JAKMIP1: variants seen among roughly 807,000 people sequenced by gnomAD.
JAKMIP1 encodes the protein janus kinase and microtubule interacting protein 1, also known as janus kinase and microtubule-interacting protein 1.
In JAKMIP1, 33 loss-of-function variants were observed where a neutral mutation model predicts 113.0. The observed-to-expected ratio is 0.29, with a 90% CI of 0.22 to 0.39. The LOEUF (loss-of-function observed/expected upper bound fraction) is 0.39. Among genes scored for constraint, JAKMIP1 ranks in the 10% least tolerant of loss-of-function variants. The pLI, the probability that JAKMIP1 is intolerant of heterozygous loss-of-function variation, is 1.00. For missense variants in JAKMIP1, 813 were observed against 1,080.5 expected (o/e 0.75, Z 3.47); for synonymous variants, 480 against 459.9 (o/e 1.04, Z -0.56).
At chr4:6,111,460 G>T (rs2108887467) in intron 2 of JAKMIP1, among the ~76,000 whole-genome samples, 1 of 152,336 alleles carries the variant, frequency 6.6e-6, no homozygotes, top group Non-Finnish European at 1.5e-5. Flanking sequence ...CACCAAATAG[G>T]ACTGCAGCTG....
intron 1 of JAKMIP1, among the ~76,000 whole-genome samples, chr4:6,152,789 A>AATATATATATATACATAT (rs1721737819): frequency 7.4e-6 from 1 of 135,294 alleles, no homozygotes; most frequent in Admixed American, 7.9e-5. Flanking sequence ...TAAAAATACA[A>AATATATATATATACATAT]ATATATATAT....
rs867970113 is a variant in JAKMIP1 at position 6,192,213 on chromosome 4, G to C, written c.-148+8040C>G. 6.6e-6 allele frequency among the ~76,000 whole-genome samples: 1 copy of C among 152,128 alleles called. No individual in the cohort carries two copies. Among genetic ancestry groups the C allele is most frequent in the Non-Finnish European group, 1.5e-5 (1 of 68,024 alleles). ...CTCCCAAAGTGCTGGGATTACAGGC[G>C]TGAGCCACCGCGCCTGGCCAGGGTG... On this transcript the variant is annotated intron_variant, in intron 1 of 20. Coordinates refer to ENST00000409021, the MANE Select transcript of JAKMIP1 (RefSeq NM_001099433.2). The surrounding 1 kb of genome is among the most constrained non-coding windows in gnomAD (Gnocchi z 5.0).
At chr4:6,099,658 TCTC>T (rs1712675208) in intron 3 of JAKMIP1, among the ~76,000 whole-genome samples, 1 of 152,224 alleles carries the variant, frequency 6.6e-6, no homozygotes, top group African/African-American at 2.4e-5. Flanking sequence ...TTTACCCACT[TCTC>T]CTGTTCTTTA....
chr4:6,053,840 G>A, intron 13 of JAKMIP1: 1 of 1,396,298 alleles, frequency 7.2e-7, no homozygotes, highest in South Asian at 1.9e-5. Flanking sequence ...CATAGACTTG[G>A]GTGAGCACGC....
Position 6,042,250 on chromosome 4 carries a change from C to T in JAKMIP1, c.2029-23G>A, listed in dbSNP as rs201904901. 693 of 1,604,306 alleles carry T rather than the reference C, an allele frequency of 4.3e-4. No individual in the cohort carries two copies. Among genetic ancestry groups the T allele is most frequent in the Non-Finnish European group, 5.5e-4 (639 of 1,171,706 alleles). On this transcript the variant is annotated intron_variant, in intron 16 of 20. Coordinates refer to ENST00000409021, the MANE Select transcript of JAKMIP1 (RefSeq NM_001099433.2). The surrounding 1 kb of genome is among the most constrained non-coding windows in gnomAD (Gnocchi z 5.2). ...CCACTAGAAAACAGCAGGGACAGGA[C>T]GGGTGCAGCAAAGTGAGAGTCAGAA...
chr4:6,028,408 T>C (rs1308710582), intron 20 of JAKMIP1, among the ~76,000 whole-genome samples: 2 of 152,188 alleles, frequency 1.3e-5, no homozygotes, highest in Non-Finnish European at 1.5e-5. Flanking sequence ...GGCAGGGCCC[T>C]ACACCTCCAG....
At position 6,168,448 on chromosome 4, in the gene JAKMIP1, G is replaced by A. The variant is rs1009424064; in HGVS notation, c.-148+31805C>T. 4.6e-5 allele frequency among the ~76,000 whole-genome samples: 7 copies of A among 152,136 alleles called. No homozygotes were observed. The highest frequency in any genetic ancestry group is 1.7e-4 in the African/African-American group (7 of 41,420). ...GTGGTCTATGATATTCCATAGAGCA[G>A]AATAGTATTTGGCCATCAGAAGGAA... On this transcript the variant is annotated intron_variant, in intron 1 of 20. Coordinates refer to ENST00000409021, the MANE Select transcript of JAKMIP1 (RefSeq NM_001099433.2). This position sits in a 1 kb window ranked among gnomAD's most constrained non-coding sequence, Gnocchi z 4.6.
chr4:6,173,852 G>A (rs1232271019), intron 1 of JAKMIP1, among the ~76,000 whole-genome samples: 5 of 152,164 alleles, frequency 3.3e-5, no homozygotes, highest in Non-Finnish European at 7.3e-5. Flanking sequence ...AAGGCGGGCG[G>A]ATCGCTCGAG....
intron 1 of JAKMIP1, among the ~76,000 whole-genome samples, chr4:6,189,922 T>C (rs1261664164): frequency 6.6e-6 from 1 of 152,198 alleles, no homozygotes; most frequent in African/African-American, 2.4e-5. Flanking sequence ...CAGGCTCTGC[T>C]GCAGGCGTGG....
intron 1 of JAKMIP1, among the ~76,000 whole-genome samples, chr4:6,169,352 C>T (rs1180068564): frequency 3.3e-5 from 5 of 152,064 alleles, no homozygotes; most frequent in African/African-American, 7.3e-5. Context: ...CTCAGACAGA[C>T]GCAGCAGGAG....
At chr4:6,036,420 T>A (rs4330301) in intron 18 of JAKMIP1, among the ~76,000 whole-genome samples, 8,596 of 152,276 alleles carry the variant, frequency 0.056, 761 homozygotes, top group African/African-American at 0.18. Context: ...AGAGGTGCAA[T>A]TCACCTGGGT....
intron 1 of JAKMIP1, among the ~76,000 whole-genome samples, chr4:6,195,383 G>C (rs1402430690): frequency 6.6e-5 from 10 of 152,128 alleles, no homozygotes. Context: ...TGCACACTTA[G>C]AAATGGTTAA....
intron 9 of JAKMIP1, among the ~76,000 whole-genome samples, chr4:6,063,172 TA>T (rs1413773745): frequency 3.3e-5 from 5 of 150,834 alleles, no homozygotes; most frequent in Admixed American, 1.3e-4. Context: ...CATAAGTGTG[TA>T]AAGACACAAA....
chr4:6,123,818 T>C (rs900333996), intron 1 of JAKMIP1, among the ~76,000 whole-genome samples: 1 of 152,138 alleles, frequency 6.6e-6, no homozygotes, highest in African/African-American at 2.4e-5. Flanking sequence ...AGTGACACCC[T>C]GTCCCTAAAA....
rs1225121728 is a variant in JAKMIP1, at chr4:6,106,815, G to T, written c.130-848C>A. On this transcript the variant is annotated intron_variant, in intron 2 of 20. Coordinates refer to ENST00000409021, the MANE Select transcript of JAKMIP1 (RefSeq NM_001099433.2). This position sits in a 1 kb window ranked among gnomAD's most constrained non-coding sequence, Gnocchi z 5.9. ...CAACACACATTCCACAGGAACGCCT[G>T]ACAAGCCCTTATTTCCTGAATTCTG... 6.6e-6 allele frequency among the ~76,000 whole-genome samples: 1 copy of T among 152,140 alleles called. No homozygotes were observed. The highest frequency in any genetic ancestry group is 2.4e-5 in the African/African-American group (1 of 41,416).
chr4:6,054,053 G>C lies in JAKMIP1; in HGVS notation c.1803C>G (p.Leu601=), dbSNP rs370646732. 6.2e-7 allele frequency: 1 copy of C among 1,614,114 alleles called. No individual in the cohort carries two copies. Among genetic ancestry groups the C allele is most frequent in the Non-Finnish European group, 8.5e-7 (1 of 1,179,968 alleles). The change falls in exon 13 of 21, where the codon CTC becomes CTG. Residue 601 remains leucine, a synonymous_variant. Transcript: ENST00000409021. ...NELLEFRVLE[L]EERERRSPAF... Reference sequence around the variant, plus strand: ...TACAACAGATAGAGTCTCTTACTTCGAGTTCTAGCACTCTGAATTCTAACA... The same window carrying C: ...TACAACAGATAGAGTCTCTTACTTCCAGTTCTAGCACTCTGAATTCTAACA...
rs148708176 is a variant in JAKMIP1 at position 6,129,716 on chromosome 4, G to C, written c.-147-16719C>G. ...CCTCTGCATTGTAAATATGACCAAA[G>C]AGGTTATGATGAGATTTCTCCATGA... On this transcript the variant is annotated intron_variant, in intron 1 of 20. Coordinates refer to ENST00000409021, the MANE Select transcript of JAKMIP1 (RefSeq NM_001099433.2). This position sits in a 1 kb window ranked among gnomAD's most constrained non-coding sequence, Gnocchi z 5.4. Among the ~76,000 whole-genome samples the C allele has an allele frequency of 1.4e-4, 22 of 152,288 alleles. No individual in the cohort carries two copies. Among genetic ancestry groups the C allele is most frequent in the Non-Finnish European group, 2.8e-4 (19 of 68,022 alleles).
At chr4:6,191,189 C>T (rs1001262319) in intron 1 of JAKMIP1, among the ~76,000 whole-genome samples, 13 of 152,174 alleles carry the variant, frequency 8.5e-5, no homozygotes, top group Admixed American at 6.5e-5. Context: ...AAGTCATGGG[C>T]GTGGATGCCA....
intron 20 of JAKMIP1, 95 bp downstream of exon 20, chr4:6,029,621 C>CA (rs1712321880): frequency 6.2e-6 from 5 of 810,872 alleles, no homozygotes; most frequent in Non-Finnish European, 8.3e-6. Flanking sequence ...GGGCTGGAGA[C>CA]AGAGTCTATG....
Sources: allele counts gnomAD v4.1 joint callset (sites outside exome capture counted in the v4.1 genomes callset), GRCh38; gene constraint gnomAD v4.1.1; non-coding constraint Gnocchi (gnomAD v3.1); transcripts MANE v1.5; gene names NCBI Gene and HGNC (gene_info 2026-07-23, HGNC 2026-07-21).